Variants in PRELID2 observed in about 807,000 individuals in gnomAD.
PRELID2 encodes the protein PRELI domain-containing protein 2.
In PRELID2, 25 loss-of-function variants were observed where a neutral mutation model predicts 28.4. The observed-to-expected ratio is 0.88, with a 90% CI of 0.64 to 1.23. The LOEUF is 1.23. Ranked by LOEUF, PRELID2 falls within the 50% of genes most tolerant of loss-of-function variation. The pLI, the probability that PRELID2 is intolerant of heterozygous loss-of-function variation, is 0.00. For missense variants in PRELID2, 201 were observed against 214.4 expected, an observed-to-expected ratio of 0.94 and a Z score of 0.39; for synonymous variants, 76 against 71.6, an observed-to-expected ratio of 1.06 and a Z score of -0.31.
the PRELID2 span, among the ~76,000 whole-genome samples, chr5:145,373,863 T>A: frequency 1.0e-5 from 1 of 97,576 alleles, no homozygotes. Flanking sequence ...TATTATATAT[T>A]ACAACATATA....
At chr5:145,531,335 A>G (rs1752653654) in intron 1 of PRELID2, among the ~76,000 whole-genome samples, 1 of 152,120 alleles carries the variant, frequency 6.6e-6, no homozygotes, top group South Asian at 2.1e-4. Flanking sequence ...TCTCTCCCCT[A>G]AAAGAGACTG....
rs375171687 is a variant in PRELID2 at position 145,673,277 on chromosome 5, T to C, written n.70+91654A>G. On this transcript the variant is annotated intron_variant and non_coding_transcript_variant, in intron 1 of 2. Coordinates refer to the PRELID2 transcript ENST00000510259. ...TTAGGTATTAACTGCAGCAAAATGATATCCCATCAGCATCAAATTACATTA... is the reference window on the plus strand; with the variant it reads ...TTAGGTATTAACTGCAGCAAAATGACATCCCATCAGCATCAAATTACATTA... Among the ~76,000 whole-genome samples, 8 of 152,216 alleles carry C rather than the reference T, an allele frequency of 5.3e-5. No homozygotes were observed. The East Asian group carries it at 1.4e-3, about 26-fold the overall frequency.
chr5:145,410,879 A>C, the PRELID2 span, among the ~76,000 whole-genome samples: 1 of 152,110 alleles, frequency 6.6e-6, no homozygotes, highest in African/African-American at 2.4e-5. Flanking sequence ...AAAAGCCCAA[A>C]TCCAAAGTCT....
At chr5:145,417,561 G>T in the PRELID2 span, among the ~76,000 whole-genome samples, 1 of 152,138 alleles carries the variant, frequency 6.6e-6, no homozygotes, top group African/African-American at 2.4e-5. Flanking sequence ...GATCAAGTTG[G>T]CTTCATCCCC....
intron 1 of PRELID2, among the ~76,000 whole-genome samples, chr5:145,562,890 A>G (rs913229567): frequency 1.3e-5 from 2 of 152,232 alleles, no homozygotes; most frequent in Admixed American, 6.5e-5. Flanking sequence ...TCTAGAGCCA[A>G]TGACGAATTT....
At chr5:145,656,876 A>C (rs1362505456) in intron 1 of PRELID2, among the ~76,000 whole-genome samples, 4 of 152,134 alleles carry the variant, frequency 2.6e-5, no homozygotes, top group African/African-American at 9.7e-5. Context: ...CATTGTGCAC[A>C]TGTACCCTAG....
At chr5:145,372,801 C>T in the PRELID2 span, among the ~76,000 whole-genome samples, 2 of 147,848 alleles carry the variant, frequency 1.4e-5, no homozygotes, top group Non-Finnish European at 3.0e-5. Context: ...TCTTAATTTG[C>T]CAGTCTGTAC....
the PRELID2 span, among the ~76,000 whole-genome samples, chr5:145,328,620 C>A: frequency 6.6e-6 from 1 of 151,346 alleles, no homozygotes; most frequent in African/African-American, 2.4e-5. Flanking sequence ...ACCCACTTTT[C>A]GATGGAGTTG....
chr5:145,717,302 T>A (rs1581093406), intron 1 of PRELID2, among the ~76,000 whole-genome samples: 1 of 152,098 alleles, frequency 6.6e-6, no homozygotes, highest in Non-Finnish European at 1.5e-5. Flanking sequence ...GCATGAGGTT[T>A]CTTTGAGGGT....
At chr5:145,774,934 C>T (rs1360884890) in intron 5 of PRELID2, among the ~76,000 whole-genome samples, 1 of 152,110 alleles carries the variant, frequency 6.6e-6, no homozygotes, top group African/African-American at 2.4e-5. Flanking sequence ...ACCAAAGACA[C>T]TCAATTAATA....
chr5:145,412,081 A>T, the PRELID2 span, among the ~76,000 whole-genome samples: 11 of 152,054 alleles, frequency 7.2e-5, no homozygotes, highest in Non-Finnish European at 1.6e-4. Flanking sequence ...CAGGACTATG[A>T]TGGGAGGGGC....
chr5:145,321,668 A>T, the PRELID2 span, among the ~76,000 whole-genome samples: 1 of 152,110 alleles, frequency 6.6e-6, no homozygotes, highest in Non-Finnish European at 1.5e-5. Flanking sequence ...ATTGATTTAA[A>T]CTCATCAAGC....
chr5:145,323,550 A>G, the PRELID2 span, among the ~76,000 whole-genome samples: 1 of 152,180 alleles, frequency 6.6e-6, no homozygotes, highest in Admixed American at 6.5e-5. Context: ...TTTGGTGTAC[A>G]GGTTGTTTCA....
At chr5:145,373,958 T>C in the PRELID2 span, among the ~76,000 whole-genome samples, 1 of 144,308 alleles carries the variant, frequency 6.9e-6, no homozygotes, top group Admixed American at 7.2e-5. Flanking sequence ...TATTATATGT[T>C]ATAACATATA....
the PRELID2 span, among the ~76,000 whole-genome samples, chr5:145,420,106 C>A: frequency 6.6e-6 from 1 of 151,700 alleles, no homozygotes; most frequent in African/African-American, 2.4e-5. Context: ...GTTTTGGTAC[C>A]AGTTCCATGC....
chr5:145,732,659 A>G (rs1377728354), intron 1 of PRELID2, among the ~76,000 whole-genome samples: 2 of 152,210 alleles, frequency 1.3e-5, no homozygotes, highest in Admixed American at 1.3e-4. Flanking sequence ...AGGCCTATAG[A>G]TCCTCTAGTA....
chr5:145,314,785 A>ATTTGACAT, the PRELID2 span, among the ~76,000 whole-genome samples: 1 of 152,036 alleles, frequency 6.6e-6, no homozygotes, highest in South Asian at 2.1e-4. Context: ...ACCTAAAACA[A>ATTTGACAT]TTAACTTTTG....
intron 1 of PRELID2, among the ~76,000 whole-genome samples, chr5:145,683,782 C>T (rs968655901): frequency 3.3e-5 from 5 of 152,164 alleles, no homozygotes; most frequent in Admixed American, 1.3e-4. Context: ...CAACCTATAA[C>T]GACCAGTATG....
the PRELID2 span, among the ~76,000 whole-genome samples, chr5:145,321,776 G>C: frequency 6.6e-6 from 1 of 152,182 alleles, no homozygotes; most frequent in African/African-American, 2.4e-5. Flanking sequence ...TTTGTGCTGA[G>C]AAGTTCTCTC....
Sources: allele counts gnomAD v4.1 joint callset (sites outside exome capture counted in the v4.1 genomes callset), GRCh38; gene constraint gnomAD v4.1.1; transcripts MANE v1.5; gene names NCBI Gene and HGNC (gene_info 2026-07-23, HGNC 2026-07-21).